The following SLC35F1 variants were observed in gnomAD, a reference collection of about 807,000 sequenced individuals.
SLC35F1 encodes solute carrier family 35 member F1, also known as chromosome 6 open reading frame 169.
SLC35F1 carries 14 observed loss-of-function variants against 48.7 expected under a neutral mutation model. The observed-to-expected ratio is 0.29, with a 90% CI of 0.19 to 0.45. The LOEUF (loss-of-function observed/expected upper bound fraction) is 0.45. SLC35F1 is among the 20% of genes least tolerant of loss of function. The pLI, the probability that SLC35F1 is intolerant of heterozygous loss-of-function variation, is 1.00. For missense variants in SLC35F1, 404 were observed against 500.0 expected (o/e 0.81, Z 1.83); for synonymous variants, 190 against 202.2 (o/e 0.94, Z 0.51).
chr6:118,087,042 G>A (rs555793571), intron 1 of SLC35F1, among the ~76,000 whole-genome samples: 1 of 152,240 alleles, frequency 6.6e-6, no homozygotes, highest in African/African-American at 2.4e-5. Flanking sequence ...CTAAGGTGCT[G>A]GGGCCCTGTA....
chr6:118,090,509 G>A (rs1397068762), intron 1 of SLC35F1, among the ~76,000 whole-genome samples: 2 of 152,140 alleles, frequency 1.3e-5, no homozygotes, highest in Non-Finnish European at 2.9e-5. Flanking sequence ...CAACTTCAAT[G>A]ATGAGAAGGA....
At chr6:118,084,677 CAA>C in intron 1 of SLC35F1, among the ~76,000 whole-genome samples, 1 of 152,012 alleles carries the variant, frequency 6.6e-6, no homozygotes, top group Non-Finnish European at 1.5e-5. Flanking sequence ...AATTCTGGCT[CAA>C]GCAATGAGGG....
chr6:118,263,417 A>G (rs1469791114), intron 3 of SLC35F1, among the ~76,000 whole-genome samples: 1 of 152,216 alleles, frequency 6.6e-6, no homozygotes, highest in Non-Finnish European at 1.5e-5. Flanking sequence ...CTAAGGATTC[A>G]AGGCATAAGG....
intron 2 of SLC35F1, among the ~76,000 whole-genome samples, chr6:118,182,096 CT>C (rs1228532183): frequency 1.3e-5 from 2 of 152,048 alleles, no homozygotes; most frequent in African/African-American, 4.8e-5. Context: ...TTTTTCCACT[CT>C]TTTTATCTTC....
intron 1 of SLC35F1, among the ~76,000 whole-genome samples, chr6:118,006,863 A>G (rs1777180316): frequency 1.3e-5 from 2 of 152,286 alleles, no homozygotes; most frequent in South Asian, 2.1e-4. Flanking sequence ...CATGTATGTG[A>G]ATATGTTACA....
Position 117,908,609 on chromosome 6 carries a change from C to G in SLC35F1, c.173+710C>G, listed in dbSNP as rs1338979. The stretch of plus-strand genomic sequence containing the variant: ...GGGCGGGTGCCGATCGCCGGCGCCT[C>G]CAGTGCTGGAATCTGCGTAGTGGAT... On this transcript the variant is annotated intron_variant, in intron 1 of 7. Coordinates refer to ENST00000360388, the MANE Select transcript of SLC35F1 (RefSeq NM_001029858.4). Among the ~76,000 whole-genome samples the G allele has an allele frequency of 8.2e-3, 1,249 of 152,334 alleles. 22 individuals carry two copies. Among genetic ancestry groups the G allele is most frequent in the African/African-American group, 0.029 (1,205 of 41,578 alleles).
intron 1 of SLC35F1, among the ~76,000 whole-genome samples, chr6:117,977,285 C>T (rs1434231096): frequency 6.6e-6 from 1 of 151,716 alleles, no homozygotes; most frequent in Non-Finnish European, 1.5e-5. Flanking sequence ...CAACCTCTGC[C>T]TCCCGGGTTC....
chr6:117,985,779 T>C (rs1305740213), intron 1 of SLC35F1, among the ~76,000 whole-genome samples: 1 of 152,264 alleles, frequency 6.6e-6, no homozygotes, highest in Non-Finnish European at 1.5e-5. Flanking sequence ...TTTCTTAATG[T>C]ATCTTTAAAT....
At chr6:117,964,603 C>G (rs1443006414) in intron 1 of SLC35F1, among the ~76,000 whole-genome samples, 1 of 152,224 alleles carries the variant, frequency 6.6e-6, no homozygotes, top group African/African-American at 2.4e-5. Flanking sequence ...TGACTAGTCA[C>G]TGGAAGAGGT....
chr6:117,921,472 G>A (rs1775898407), intron 1 of SLC35F1, among the ~76,000 whole-genome samples: 1 of 152,202 alleles, frequency 6.6e-6, no homozygotes. Flanking sequence ...CTAACAGTTT[G>A]TGTGATTTTA....
At chr6:118,268,602 T>A (rs12663272) in intron 4 of SLC35F1, among the ~76,000 whole-genome samples, 641 of 46,756 alleles carry the variant, frequency 0.014, 6 homozygotes, top group Admixed American at 0.037. Flanking sequence ...ATATATATAT[T>A]TTTTTTTTTT....
At chr6:118,278,983 C>T (rs1470657010) in intron 6 of SLC35F1, among the ~76,000 whole-genome samples, 3 of 152,114 alleles carry the variant, frequency 2.0e-5, no homozygotes, top group Admixed American at 1.3e-4. Flanking sequence ...GCCATTAAAA[C>T]GTCAGTCCCC....
intron 1 of SLC35F1, among the ~76,000 whole-genome samples, chr6:117,942,655 CT>C (rs1453504478): frequency 1.3e-5 from 2 of 152,092 alleles, no homozygotes; most frequent in African/African-American, 2.4e-5. Context: ...ATTGAAATTG[CT>C]GTTTCATGAA....
chr6:118,206,451 G>T lies in SLC35F1; in HGVS notation c.350-29058G>T, dbSNP rs748820653. ...AGGAGGGCATAATCTCAGCACTGTG[G>T]GTTAGTGCAGAGCACCCAAAGGCAA... On this transcript the variant is annotated intron_variant, in intron 2 of 7. Transcript: ENST00000360388. Among the ~76,000 whole-genome samples the T allele has an allele frequency of 1.4e-3, 218 of 152,224 alleles. 1 individual carries two copies. The highest frequency in any genetic ancestry group is 1.8e-3 in the Non-Finnish European group (122 of 68,016).
chr6:118,204,052 G>A (rs1231500828), intron 2 of SLC35F1, among the ~76,000 whole-genome samples: 1 of 151,300 alleles, frequency 6.6e-6, no homozygotes, highest in Non-Finnish European at 1.5e-5. Flanking sequence ...TAGGATGGAG[G>A]GCCTACTTTA....
intron 1 of SLC35F1, among the ~76,000 whole-genome samples, chr6:118,030,687 TAATC>T (rs1251633626): frequency 6.6e-6 from 1 of 152,166 alleles, no homozygotes; most frequent in African/African-American, 2.4e-5. Flanking sequence ...TCACACCAAA[TAATC>T]AAACATGGAT....
intron 1 of SLC35F1, among the ~76,000 whole-genome samples, chr6:118,148,158 A>G (rs1774002960): frequency 6.6e-6 from 1 of 152,166 alleles, no homozygotes; most frequent in African/African-American, 2.4e-5. Context: ...TCATATGCTG[A>G]CTCAGATCTG....
chr6:117,936,750 T>A lies in SLC35F1; in HGVS notation c.173+28851T>A, dbSNP rs1013953562. On this transcript the variant is annotated intron_variant, in intron 1 of 7. Coordinates refer to ENST00000360388, the MANE Select transcript of SLC35F1 (RefSeq NM_001029858.4). ...TAATTAGAAAAAATTACAGTTCTTT[T>A]AAAAAAAAACTTTGTATTTTAAAAA... Among the ~76,000 whole-genome samples, 64 of 151,768 alleles carry A rather than the reference T, an allele frequency of 4.2e-4. 1 individual carries two copies. The highest frequency in any genetic ancestry group is 3.6e-3 in the Admixed American group (55 of 15,220).
chr6:118,033,752 G>A (rs890824107), intron 1 of SLC35F1, among the ~76,000 whole-genome samples: 2 of 152,110 alleles, frequency 1.3e-5, no homozygotes, highest in African/African-American at 4.8e-5. Context: ...GGGGGAAGAC[G>A]TGCTAGGCTT....
Sources: allele counts gnomAD v4.1 joint callset (sites outside exome capture counted in the v4.1 genomes callset), GRCh38; gene constraint gnomAD v4.1.1; transcripts MANE v1.5; gene names NCBI Gene and HGNC (gene_info 2026-07-23, HGNC 2026-07-21).